The following CSMD1 variants were observed in gnomAD, a reference collection of about 807,000 sequenced individuals.
The protein encoded by CSMD1 is CUB and Sushi multiple domains 1, also known as CUB and sushi domain-containing protein 1.
In CSMD1, 213 loss-of-function variants were observed where a neutral mutation model predicts 417.5. That is an observed-to-expected ratio of 0.51 (90% confidence interval 0.46 to 0.57). The LOEUF (loss-of-function observed/expected upper bound fraction) is 0.57, where lower values mean the gene tolerates loss of function less well. Among genes scored for constraint, CSMD1 ranks in the 20% least tolerant of loss-of-function variants. The probability of loss-of-function intolerance (pLI) is 0.00; values close to 1 mark genes in which losing one functional copy is unlikely to be tolerated. For synonymous variants in CSMD1, 2,862 were observed against 1,736.8 expected, an observed-to-expected ratio of 1.65 and a Z score of -16.11; for missense variants, 6,923 against 4,529.7, an observed-to-expected ratio of 1.53 and a Z score of -15.17.
chr8:3,440,763 T>C (rs185974833), intron 12 of CSMD1, among the ~76,000 whole-genome samples: 50 of 152,340 alleles, frequency 3.3e-4, no homozygotes, highest in African/African-American at 9.9e-4. Context: ...GTAAGGTTAA[T>C]TCTAAGTGTT....
chr8:4,276,729 G>C (rs566941527), intron 3 of CSMD1, among the ~76,000 whole-genome samples: 1 of 152,120 alleles, frequency 6.6e-6, no homozygotes, highest in Non-Finnish European at 1.5e-5. Context: ...ATAAATAAAA[G>C]GAAATGTATA....
In CSMD1 at chr8:4,790,512, C is replaced by T. The variant is rs376275097; in HGVS notation, c.86-152954G>A. On this transcript the variant is annotated intron_variant, in intron 1 of 69. Transcript: ENST00000635120. Reference sequence around the variant, plus strand: ...AATTTATTTGGAACCAAAAAAGAGACCGAAAAGCTAAGGCAATCCTAAGCA... The same window carrying T: ...AATTTATTTGGAACCAAAAAAGAGATCGAAAAGCTAAGGCAATCCTAAGCA... Among the ~76,000 whole-genome samples the T allele has an allele frequency of 9.9e-5, 15 of 152,218 alleles. No individual in the cohort carries two copies. In the East Asian group the frequency reaches 1.7e-3, roughly 18 times the overall value.
At chr8:4,096,690 A>G (rs954543557) in intron 3 of CSMD1, among the ~76,000 whole-genome samples, 1 of 152,246 alleles carries the variant, frequency 6.6e-6, no homozygotes, top group Non-Finnish European at 1.5e-5. Context: ...CAGACTTTCC[A>G]AAAGCGTCAC....
At chr8:4,035,895 C>A (rs538693646) in intron 3 of CSMD1, among the ~76,000 whole-genome samples, 225 of 152,284 alleles carry the variant, frequency 1.5e-3, no homozygotes, top group African/African-American at 5.3e-3. Flanking sequence ...ACAGTCACCC[C>A]TCACTCACAC....
intron 1 of CSMD1, among the ~76,000 whole-genome samples, chr8:4,754,703 G>A (rs35206522): frequency 0.09 from 13,653 of 151,962 alleles, 781 homozygotes; most frequent in East Asian, 0.29. Context: ...CAATAATTTA[G>A]CCAAGCATGG....
intron 3 of CSMD1, among the ~76,000 whole-genome samples, chr8:4,190,381 G>C (rs1436551148): frequency 4.6e-5 from 7 of 151,902 alleles, no homozygotes; most frequent in Admixed American, 1.3e-4. Flanking sequence ...CAATGAAGCA[G>C]CCACTACTTG....
intron 3 of CSMD1, among the ~76,000 whole-genome samples, chr8:4,153,789 G>C (rs1448142144): frequency 1.3e-5 from 2 of 152,204 alleles, no homozygotes; most frequent in Non-Finnish European, 2.9e-5. Flanking sequence ...GGGAAACACA[G>C]TTTTTATGTA....
At chr8:4,854,297 G>C (rs916260618) in intron 1 of CSMD1, among the ~76,000 whole-genome samples, 2 of 152,154 alleles carry the variant, frequency 1.3e-5, no homozygotes, top group Admixed American at 1.3e-4. Flanking sequence ...TTGGTAGGAG[G>C]TGTTGGGTTG....
At chr8:4,739,122 A>T (rs1364700729) in intron 1 of CSMD1, among the ~76,000 whole-genome samples, 6 of 152,134 alleles carry the variant, frequency 3.9e-5, no homozygotes, top group Non-Finnish European at 5.9e-5. Flanking sequence ...ACACACATAC[A>T]TGTGAACATA....
intron 54 of CSMD1, among the ~76,000 whole-genome samples, chr8:2,982,498 G>T (rs1387718383): frequency 6.6e-6 from 1 of 152,142 alleles, no homozygotes; most frequent in Non-Finnish European, 1.5e-5. Context: ...CGTACTGATC[G>T]CCTGATGAAG....
intron 4 of CSMD1, among the ~76,000 whole-genome samples, chr8:4,015,333 C>T (rs572147269): frequency 5.3e-5 from 8 of 152,224 alleles, no homozygotes; most frequent in Admixed American, 1.3e-4. Context: ...CTTCCTTCTC[C>T]CCTCTGGCTA....
At chr8:4,926,452 A>G (rs1167175896) in intron 1 of CSMD1, among the ~76,000 whole-genome samples, 1 of 152,176 alleles carries the variant, frequency 6.6e-6, no homozygotes, top group Non-Finnish European at 1.5e-5. Context: ...GCTTGCATCT[A>G]CTAGAAGCTT....
intron 2 of CSMD1, among the ~76,000 whole-genome samples, chr8:4,547,857 A>C (rs1797699740): frequency 6.6e-6 from 1 of 152,142 alleles, no homozygotes; most frequent in Non-Finnish European, 1.5e-5. Context: ...TTGCACGGGG[A>C]TTGGACGGGA....
At chr8:4,495,702 G>A (rs558418405) in intron 2 of CSMD1, among the ~76,000 whole-genome samples, 1 of 152,282 alleles carries the variant, frequency 6.6e-6, no homozygotes, top group South Asian at 2.1e-4. Context: ...GCCCAAGAAA[G>A]GTTAGCTTCC....
At chr8:4,776,497 C>T (rs974606093) in intron 1 of CSMD1, among the ~76,000 whole-genome samples, 2 of 152,096 alleles carry the variant, frequency 1.3e-5, no homozygotes, top group African/African-American at 4.8e-5. Flanking sequence ...GGTTAGGAAC[C>T]AACAGCGTCT....
chr8:3,426,941 G>A (rs569786644), intron 12 of CSMD1, among the ~76,000 whole-genome samples: 7 of 152,138 alleles, frequency 4.6e-5, no homozygotes, highest in African/African-American at 9.7e-5. Flanking sequence ...ACTTACAATC[G>A]TGGTGGAAGG....
At chr8:4,800,519 G>C (rs775794090) in intron 1 of CSMD1, among the ~76,000 whole-genome samples, 2 of 152,030 alleles carry the variant, frequency 1.3e-5, no homozygotes, top group Admixed American at 6.6e-5. Context: ...GCTGACACAA[G>C]TATTCATGTG....
chr8:4,563,391 A>G (rs1585254404), intron 2 of CSMD1, among the ~76,000 whole-genome samples: 1 of 152,046 alleles, frequency 6.6e-6, no homozygotes, highest in Non-Finnish European at 1.5e-5. Flanking sequence ...ACAGAGCGAC[A>G]CTCTGTCTCT....
At chr8:3,333,455 C>A (rs147878431) in intron 23 of CSMD1, among the ~76,000 whole-genome samples, 1 of 152,178 alleles carries the variant, frequency 6.6e-6, no homozygotes, top group African/African-American at 2.4e-5. Context: ...ATTTTCCCAA[C>A]GTTTTTCTCA....
Sources: allele counts gnomAD v4.1 joint callset (sites outside exome capture counted in the v4.1 genomes callset), GRCh38; gene constraint gnomAD v4.1.1; transcripts MANE v1.5; gene names NCBI Gene and HGNC (gene_info 2026-07-23, HGNC 2026-07-21).